Variants in CTNNA3 observed in about 807,000 individuals in gnomAD.
The protein encoded by CTNNA3 is catenin alpha 3, also known as catenin alpha-3.
Under a neutral mutation model 95.7 loss-of-function variants are expected in CTNNA3, and 76 were observed. That is an observed-to-expected ratio of 0.79 (90% CI 0.66 to 0.96). The LOEUF (loss-of-function observed/expected upper bound fraction) is 0.96, where lower values mean the gene tolerates loss of function less well. Among genes scored for constraint, CTNNA3 ranks in the 40% least tolerant of loss-of-function variants. The pLI, the probability that CTNNA3 is intolerant of heterozygous loss-of-function variation, is 0.00. For synonymous variants in CTNNA3, 431 were observed against 374.4 expected (o/e 1.15, Z -1.74); for missense variants, 1,191 against 1,089.8 (o/e 1.09, Z -1.31).
At chr10:67,128,405 A>T (rs1392002518) in intron 7 of CTNNA3, among the ~76,000 whole-genome samples, 2 of 151,942 alleles carry the variant, frequency 1.3e-5, no homozygotes, top group African/African-American at 4.8e-5. Context: ...ACATCTCTCA[A>T]CTGGGAAACA....
intron 3 of CTNNA3, among the ~76,000 whole-genome samples, chr10:67,560,787 A>C (rs1165929818): frequency 6.6e-6 from 1 of 152,138 alleles, no homozygotes; most frequent in African/African-American, 2.4e-5. Flanking sequence ...AAAGGGATGG[A>C]GGAAGATCTA....
chr10:66,146,709 A>T (rs1328211988), intron 13 of CTNNA3, among the ~76,000 whole-genome samples: 1 of 152,078 alleles, frequency 6.6e-6, no homozygotes, highest in African/African-American at 2.4e-5. Context: ...AGCCTGCACC[A>T]CCATGCCCAG....
At chr10:67,058,895 T>C (rs1387570752) in intron 7 of CTNNA3, among the ~76,000 whole-genome samples, 3 of 152,294 alleles carry the variant, frequency 2.0e-5, no homozygotes, top group African/African-American at 7.2e-5. Flanking sequence ...TGACTACACC[T>C]GCCTATCTTC....
chr10:66,237,501 ATTGGC>A (rs1483717862), intron 13 of CTNNA3, among the ~76,000 whole-genome samples: 1 of 151,832 alleles, frequency 6.6e-6, no homozygotes, highest in African/African-American at 2.4e-5. Flanking sequence ...TTGAAGCATG[ATTGGC>A]TTCAACATTT....
At chr10:67,224,757 A>G (rs1173193565) in intron 5 of CTNNA3, among the ~76,000 whole-genome samples, 1 of 152,134 alleles carries the variant, frequency 6.6e-6, no homozygotes, top group Non-Finnish European at 1.5e-5. Flanking sequence ...CTGGCATCAC[A>G]GGGATCCACT....
intron 11 of CTNNA3, among the ~76,000 whole-genome samples, chr10:66,452,253 G>GTACTGTATTATTTCA: frequency 6.6e-6 from 1 of 151,938 alleles, no homozygotes; most frequent in Admixed American, 6.5e-5. Flanking sequence ...ATATTATTTC[G>GTACTGTATTATTTCA]TGTACTGTAT....
chr10:66,811,748 A>G (rs1372019470), intron 7 of CTNNA3, among the ~76,000 whole-genome samples: 2 of 152,194 alleles, frequency 1.3e-5, no homozygotes, highest in Admixed American at 1.3e-4. Flanking sequence ...ACATTTTTTA[A>G]TTCTCTCAAT....
In CTNNA3 at chr10:67,399,568, C is replaced by T. The variant is rs537852453; in HGVS notation, c.579+122274G>A. 1.8e-4 allele frequency among the ~76,000 whole-genome samples: 27 copies of T among 152,258 alleles called. No individual in the cohort carries two copies. In the South Asian group the frequency reaches 4.6e-3, roughly 26 times the overall value. ...GGCATTTTATGCTTTCTCACTTTTACAACATCTCCCAAGGTTTTTTCCAGG... is the reference window on the plus strand; with the variant it reads ...GGCATTTTATGCTTTCTCACTTTTATAACATCTCCCAAGGTTTTTTCCAGG... On this transcript the variant is annotated intron_variant, in intron 5 of 17. Transcript: ENST00000433211.
chr10:66,966,276 CAATTA>C (rs772030633), intron 7 of CTNNA3, among the ~76,000 whole-genome samples: 3 of 152,000 alleles, frequency 2.0e-5, no homozygotes, highest in Non-Finnish European at 2.9e-5. Context: ...TATGTGTAGA[CAATTA>C]AATTAATCTT....
intron 3 of CTNNA3, among the ~76,000 whole-genome samples, chr10:67,552,824 T>C (rs1313401864): frequency 1.3e-5 from 2 of 152,164 alleles, no homozygotes; most frequent in Non-Finnish European, 2.9e-5. Context: ...ATTCCATTCA[T>C]GTCCCTGCAA....
intron 7 of CTNNA3, among the ~76,000 whole-genome samples, chr10:66,794,886 CAA>C (rs1841127826): frequency 2.5e-5 from 1 of 40,382 alleles, no homozygotes; most frequent in Non-Finnish European, 3.8e-5. Flanking sequence ...TCTCACAAAA[CAA>C]TTCCTTTGTT....
At chr10:66,789,674 G>A (rs933670195) in intron 7 of CTNNA3, among the ~76,000 whole-genome samples, 2 of 152,018 alleles carry the variant, frequency 1.3e-5, no homozygotes, top group African/African-American at 4.8e-5. Context: ...TGGGTTCTAG[G>A]TACTGTAATT....
At chr10:66,501,637 T>C (rs59341614) in intron 11 of CTNNA3, among the ~76,000 whole-genome samples, 23,166 of 152,180 alleles carry the variant, frequency 0.15, 1,844 homozygotes, top group Non-Finnish European at 0.17. Flanking sequence ...TCAAGATTGC[T>C]ATAAAGATGG....
At chr10:66,806,665 G>C (rs1261741173) in intron 7 of CTNNA3, among the ~76,000 whole-genome samples, 1 of 151,626 alleles carries the variant, frequency 6.6e-6, no homozygotes, top group Non-Finnish European at 1.5e-5. Flanking sequence ...AGACTTTCCT[G>C]AGACCACATT....
At chr10:66,553,508 A>C (rs1842287814) in intron 10 of CTNNA3, among the ~76,000 whole-genome samples, 1 of 142,290 alleles carries the variant, frequency 7.0e-6, no homozygotes, top group Admixed American at 7.3e-5. Flanking sequence ...AATGATGAAC[A>C]ATACTTTTCT....
At chr10:66,815,663 G>T (rs1842050090) in intron 7 of CTNNA3, among the ~76,000 whole-genome samples, 1 of 151,954 alleles carries the variant, frequency 6.6e-6, no homozygotes. Flanking sequence ...GCAAAAAAAA[G>T]GCAATCCAAA....
rs1464638550 is a variant in CTNNA3, at chr10:65,914,317, C to T, written c.*6013G>A. ...CCAATATACACATCCATTGCTCAAA[C>T]TAGGAATGTGTGTATTTCTTATGTG... On this transcript the variant is annotated 3_prime_UTR_variant, in exon 18 of 18. Transcript: ENST00000433211. 1 of 152,094 alleles carries T rather than the reference C, an allele frequency of 6.6e-6. No homozygotes were observed. The highest frequency in any genetic ancestry group is 1.5e-5 in the Non-Finnish European group (1 of 68,008). 9.4% of individuals were successfully genotyped at this position (152,094 alleles called of 1,614,324 possible).
intron 3 of CTNNA3, among the ~76,000 whole-genome samples, chr10:67,560,214 A>T (rs982040000): frequency 6.6e-6 from 1 of 152,134 alleles, no homozygotes; most frequent in Admixed American, 6.5e-5. Context: ...AATGAAGGAA[A>T]AAACGGTAAG....
At chr10:67,057,950 A>C (rs907126941) in intron 7 of CTNNA3, among the ~76,000 whole-genome samples, 6 of 152,128 alleles carry the variant, frequency 3.9e-5, no homozygotes, top group African/African-American at 1.4e-4. Context: ...TGCAGAAGTG[A>C]TTTCCTATAA....
Sources: gnomAD v4.1 joint callset for allele counts (sites outside exome capture counted in the v4.1 genomes callset) on GRCh38, gnomAD v4.1.1 for gene constraint, MANE v1.5 for transcripts, NCBI Gene and HGNC (gene_info 2026-07-23, HGNC 2026-07-21) for gene names.